The following H4C15 variants were observed in gnomAD, a reference collection of about 807,000 sequenced individuals.
H4C15 encodes the protein H4 clustered histone 15.
chr1:149,845,518 A>C, the H4C15 span: 3 of 152,272 alleles, frequency 2.0e-5, no homozygotes, highest in Admixed American at 1.3e-4. Context: ...GAGTATTCTC[A>C]GAACAGAACA....
At chr1:149,849,860 A>T (rs782069099), downstream of H4C15, among the ~76,000 whole-genome samples, 1 of 152,226 alleles carries the variant, frequency 6.6e-6, no homozygotes, top group Non-Finnish European at 1.5e-5. Flanking sequence ...AGGTTTCTCG[A>T]TACCATATAT....
At chr1:149,849,304 T>C (rs1287820246), downstream of H4C15, among the ~76,000 whole-genome samples, 1 of 152,206 alleles carries the variant, frequency 6.6e-6, no homozygotes, top group African/African-American at 2.4e-5. Flanking sequence ...AACCTGGGAA[T>C]TTTCATTTTT....
the H4C15 span, chr1:149,848,180 C>T: frequency 6.6e-6 from 1 of 152,100 alleles, no homozygotes; most frequent in African/African-American, 2.4e-5. Context: ...TAGCCTTAGT[C>T]AAGTATTAAC....
downstream of H4C15, among the ~76,000 whole-genome samples, chr1:149,849,704 T>G (rs1366369474): frequency 6.6e-6 from 1 of 152,194 alleles, no homozygotes; most frequent in Non-Finnish European, 1.5e-5. Flanking sequence ...TTGGGTAGAT[T>G]TTAGGGTATC....
chr1:149,850,165 A>G (rs1428044440), downstream of H4C15: 41 of 625,312 alleles, frequency 6.6e-5, no homozygotes, highest in South Asian at 3.0e-4. Flanking sequence ...GCTTACTTAT[A>G]GCAATGCCTA....
the H4C15 span, chr1:149,844,788 CTTATT>C: frequency 6.7e-6 from 1 of 150,248 alleles, no homozygotes; most frequent in African/African-American, 2.5e-5. Flanking sequence ...CTGAATCTAC[CTTATT>C]TTATTGCCAA....
At chr1:149,850,162 T>C (rs2092168480), downstream of H4C15, 1 of 620,370 alleles carries the variant, frequency 1.6e-6, no homozygotes, top group Non-Finnish European at 2.9e-6. Context: ...TAAGCTTACT[T>C]ATAGCAATGC....
At chr1:149,858,629 AAGGAAGAAAGG>A (rs2092190117), downstream of H4C15, among the ~76,000 whole-genome samples, 4 of 78,084 alleles carry the variant, frequency 5.1e-5, no homozygotes, top group Admixed American at 2.3e-4. Context: ...GAAGGAAGGG[AAGGAAGAAAGG>A]AAGGAAGGAA....
chr1:149,849,254 A>G (rs1055651888), downstream of H4C15, among the ~76,000 whole-genome samples: 4 of 152,260 alleles, frequency 2.6e-5, no homozygotes, highest in Non-Finnish European at 4.4e-5. Context: ...ACACTTTAGC[A>G]TATATCACCA....
chr1:149,848,430 C>G, the H4C15 span: 1 of 152,238 alleles, frequency 6.6e-6, no homozygotes, highest in African/African-American at 2.4e-5. Context: ...TTCCCTGATT[C>G]TCCCACACTG....
chr1:149,845,217 A>T, the H4C15 span: 1 of 152,110 alleles, frequency 6.6e-6, no homozygotes, highest in Non-Finnish European at 1.5e-5. Context: ...AGGCTCCATT[A>T]TGTGTATTTG....
downstream of H4C15, chr1:149,850,254 A>G (rs1553757588): frequency 1.7e-6 from 2 of 1,164,040 alleles, no homozygotes; most frequent in South Asian, 2.6e-5. Flanking sequence ...AAAAACATCA[A>G]CTGGGACTGA....
chr1:149,847,585 G>A, the H4C15 span: 1 of 152,260 alleles, frequency 6.6e-6, no homozygotes, highest in African/African-American at 2.4e-5. Context: ...AAGGCAGGTG[G>A]ATCACCTGAG....
downstream of H4C15, among the ~76,000 whole-genome samples, chr1:149,855,051 CAAA>C (rs1225194587): frequency 1.3e-4 from 1 of 7,436 alleles, no homozygotes; most frequent in Middle Eastern, 0.014. Context: ...GTGTCTCTAC[CAAA>C]AAAAAAAAAA....
downstream of H4C15, chr1:149,850,212 G>C: frequency 1.3e-6 from 1 of 777,706 alleles, no homozygotes; most frequent in Non-Finnish European, 2.2e-6. Flanking sequence ...TTGGTGTTGT[G>C]TGCTCTCCTA....
the H4C15 span, chr1:149,848,226 A>G: frequency 6.6e-6 from 1 of 152,102 alleles, no homozygotes; most frequent in East Asian, 1.9e-4. Context: ...AATTGGAGCA[A>G]CTCTGTCCTA....
At chr1:149,849,568 T>A (rs1329732072), downstream of H4C15, among the ~76,000 whole-genome samples, 2 of 152,230 alleles carry the variant, frequency 1.3e-5, no homozygotes, top group Non-Finnish European at 2.9e-5. Flanking sequence ...GTCCTTCTCC[T>A]CTTCAGGGAT....
At chr1:149,845,841 GATTA>G in the H4C15 span, 2 of 152,178 alleles carry the variant, frequency 1.3e-5, no homozygotes, top group Non-Finnish European at 2.9e-5. Flanking sequence ...AGAAATCAAG[GATTA>G]ATTGTAGGTT....
downstream of H4C15, among the ~76,000 whole-genome samples, chr1:149,855,767 T>TGTGA (rs1224184289): frequency 2.4e-4 from 5 of 20,478 alleles, no homozygotes; most frequent in East Asian, 1.8e-3. Context: ...TGTGTGTGTG[T>TGTGA]GAGAGAGAGA....
Sources: allele counts gnomAD v4.1 joint callset (sites outside exome capture counted in the v4.1 genomes callset), GRCh38; gene constraint gnomAD v4.1.1; transcripts MANE v1.5; gene names NCBI Gene and HGNC (gene_info 2026-07-23, HGNC 2026-07-21).